DENND6A: variants seen among roughly 807,000 people sequenced by gnomAD.
DENND6A encodes protein DENND6A.
DENND6A carries 43 observed loss-of-function variants against 95.5 expected under a neutral mutation model. The ratio of observed to expected loss-of-function variants is 0.45; its 90% CI spans 0.35 to 0.58. The LOEUF is 0.58. DENND6A is among the 20% of genes least tolerant of loss of function. The pLI is 0.00. For missense variants in DENND6A, 574 were observed against 736.0 expected, an observed-to-expected ratio of 0.78 and a Z score of 2.55; for synonymous variants, 257 against 260.4, an observed-to-expected ratio of 0.99 and a Z score of 0.13.
At chr3:57,631,745 C>T (rs1195447334) in intron 15 of DENND6A, among the ~76,000 whole-genome samples, 41 of 104,172 alleles carry the variant, frequency 3.9e-4, no homozygotes, top group East Asian at 1.6e-3. Context: ...TTTTTTGAGA[C>T]GGAGTCTCAC....
intron 9 of DENND6A, among the ~76,000 whole-genome samples, chr3:57,655,280 G>A (rs186690691): frequency 9.8e-4 from 149 of 152,232 alleles, no homozygotes; most frequent in African/African-American, 3.3e-3. Context: ...TGATCCGCCC[G>A]CCTCGGCCTC....
At chr3:57,668,142 A>G (rs11130596) in intron 3 of DENND6A, among the ~76,000 whole-genome samples, 24,640 of 152,054 alleles carry the variant, frequency 0.16, 2,674 homozygotes, top group East Asian at 0.48. Flanking sequence ...ATTCAATTAA[A>G]TTGTTTTTCA....
At chr3:57,649,922 TAC>T (rs5849223) in intron 9 of DENND6A, among the ~76,000 whole-genome samples, 61,566 of 148,268 alleles carry the variant, frequency 0.42, 13,118 homozygotes, top group South Asian at 0.55. Context: ...TGTATATATA[TAC>T]ACACACACAC....
At chr3:57,670,344 C>T (rs1285741329) in intron 3 of DENND6A, among the ~76,000 whole-genome samples, 8 of 152,062 alleles carry the variant, frequency 5.3e-5, no homozygotes, top group Admixed American at 5.2e-4. Context: ...AGCTTAGATA[C>T]CATTTTAACA....
intron 1 of DENND6A, among the ~76,000 whole-genome samples, chr3:57,673,614 T>C (rs1450857543): frequency 1.3e-5 from 2 of 152,238 alleles, no homozygotes; most frequent in African/African-American, 4.8e-5. Flanking sequence ...TGATAAATGC[T>C]TGAAGTGATG....
At chr3:57,650,291 A>AT (rs2071175424) in intron 9 of DENND6A, among the ~76,000 whole-genome samples, 1 of 152,100 alleles carries the variant, frequency 6.6e-6, no homozygotes, top group Non-Finnish European at 1.5e-5. Flanking sequence ...ACCTTTTGAA[A>AT]TAAACAAAAA....
chr3:57,663,680 G>T lies in DENND6A; in HGVS notation c.469C>A (p.Arg157=). 6.3e-7 allele frequency: 1 copy of T among 1,581,928 alleles called. No individual in the cohort carries two copies. The part of the protein sequence containing the change: ...PAYFYGYVYF[R]QVRDKTLKRG... ...TTTAGAGTTTTATCTCGAACTTGTC[G>T]GAAATACACATATCCATAAAAATAA... is the stretch of plus-strand genomic sequence containing the variant. The change falls in exon 5 of 20, where the codon CGA becomes AGA. Residue 157 remains arginine, a synonymous_variant. Coordinates refer to ENST00000311128, the MANE Select transcript of DENND6A (RefSeq NM_152678.3).
At chr3:57,675,002 A>G (rs1188722975) in intron 1 of DENND6A, among the ~76,000 whole-genome samples, 1 of 152,210 alleles carries the variant, frequency 6.6e-6, no homozygotes, top group Admixed American at 6.6e-5. Flanking sequence ...GAGGGAGAGG[A>G]GCAGAAAAGA....
intron 15 of DENND6A, among the ~76,000 whole-genome samples, chr3:57,631,892 T>C (rs2070687781): frequency 6.6e-6 from 1 of 150,772 alleles, no homozygotes. Flanking sequence ...CCGGCTAATT[T>C]TTTGTATTTT....
Position 57,692,794 on chromosome 3 carries a change from G to A in DENND6A, c.225C>T (p.Gly75=), listed in dbSNP as rs780390845. ...GGCCGGGCCTCACCTCCACGGCCTG[G>A]CCCAGCTCCAGGTCGAAGCCCACCA... ...VCVVGFDLEL[G]QAVEVIYPQH... is the part of the protein sequence containing the mutation. The change falls in exon 1 of 20, where the codon GGC becomes GGT. Residue 75 remains glycine, a synonymous_variant. Transcript: ENST00000311128. 2.5e-5 allele frequency: 39 copies of A among 1,544,542 alleles called. No homozygotes were observed. Among genetic ancestry groups the A allele is most frequent in the Non-Finnish European group, 3.1e-5 (36 of 1,150,488 alleles).
intron 9 of DENND6A, among the ~76,000 whole-genome samples, chr3:57,653,829 G>T (rs2071262764): frequency 6.9e-6 from 1 of 145,650 alleles, no homozygotes; most frequent in Non-Finnish European, 1.5e-5. Context: ...GGAAATCACT[G>T]GGTTTTTTTT....
rs1383492764 is a variant in DENND6A, at chr3:57,627,980, T to C, written c.*234A>G. ...GCACTTTAGAACATGATTAAAAATA[T>C]AGAAATGCCTTTCGGTGTTTCAGTA... On this transcript the variant is annotated 3_prime_UTR_variant, in exon 20 of 20. Transcript: ENST00000311128. The C allele has an allele frequency of 1.1e-5, 5 of 441,278 alleles. No homozygotes were observed. The highest frequency in any genetic ancestry group is 1.5e-5 in the Non-Finnish European group (4 of 258,210). The allele number at this position is 441,278 out of a possible 1,614,324, so 27.3% of individuals were successfully genotyped here.
At chr3:57,670,829 A>G (rs1032664007) in intron 3 of DENND6A, among the ~76,000 whole-genome samples, 1 of 152,232 alleles carries the variant, frequency 6.6e-6, no homozygotes, top group Non-Finnish European at 1.5e-5. Context: ...TTCCATGCAG[A>G]AAGTCAGTTC....
At position 57,661,548 on chromosome 3, in the gene DENND6A, AG is replaced by A; in HGVS notation, c.516del (p.Leu173TrpfsTer3). ...TAAGGTAGTTTGCTGATCAAAACCA[AG>A]GACTGAGGAAAAAACAAAAACAATG... is the stretch of plus-strand genomic sequence containing the variant. The part of the protein sequence containing the change: ...KTLKRGYFQK[S>X]LVLISKLPYI... On this transcript the variant is annotated frameshift_variant and splice_region_variant, in exon 6 of 20. Transcript: ENST00000311128. LOFTEE classifies it high-confidence loss of function. The A allele has an allele frequency of 1.3e-6, 2 of 1,574,338 alleles. No homozygotes were observed. The highest frequency in any genetic ancestry group is 8.5e-7 in the Non-Finnish European group (1 of 1,170,578).
chr3:57,663,475 AAAAAAAAAAAAAAT>A (rs2071466130), intron 5 of DENND6A, among the ~76,000 whole-genome samples, 147 bp downstream of exon 5: 2 of 125,316 alleles, frequency 1.6e-5, no homozygotes, highest in South Asian at 2.5e-4. Context: ...AAAAAAAAAA[AAAAAAAAAAAAAAT>A]ATATATATAC....
At chr3:57,668,064 C>CAA (rs368057591) in intron 3 of DENND6A, among the ~76,000 whole-genome samples, 1 of 146,716 alleles carries the variant, frequency 6.8e-6, no homozygotes, top group African/African-American at 2.5e-5. Flanking sequence ...GACCCTATCT[C>CAA]AAAAAAAAAA....
intron 1 of DENND6A, among the ~76,000 whole-genome samples, chr3:57,676,406 T>C (rs1347776958): frequency 6.7e-6 from 1 of 148,190 alleles, no homozygotes; most frequent in African/African-American, 2.5e-5. Flanking sequence ...AAAGGCCTTC[T>C]CTTGCTGTTA....
intron 15 of DENND6A, 30 bp from the exon 16 acceptor site, chr3:57,631,008 A>T (rs753162834): frequency 1.2e-6 from 2 of 1,601,522 alleles, no homozygotes; most frequent in Non-Finnish European, 1.7e-6. Flanking sequence ...TAATAAAAGG[A>T]GTGTCTTCAA....
chr3:57,661,453 C>G lies in DENND6A; in HGVS notation c.612G>C (p.Leu204Phe), dbSNP rs753496105. The G allele has an allele frequency of 6.4e-7, 1 of 1,562,706 alleles. No individual in the cohort carries two copies. Among genetic ancestry groups the G allele is most frequent in the South Asian group, 1.2e-5 (1 of 81,094 alleles). The stretch of plus-strand genomic sequence containing the variant: ...GGTATATGTTAAACTTACCTGCTTC[C>G]AAATAAGGTTCATTCTTTTCAAAAT... ...PEYFEKNEPY[L>F]EAACNDVDRW... The change falls in exon 6 of 20, where the codon TTG (leucine) becomes TTC (phenylalanine). Residue 204 changes from leucine (L) to phenylalanine (F), a missense_variant. Coordinates refer to ENST00000311128, the MANE Select transcript of DENND6A (RefSeq NM_152678.3).
Sources: gnomAD v4.1 joint callset for allele counts (sites outside exome capture counted in the v4.1 genomes callset) on GRCh38, gnomAD v4.1.1 for gene constraint, MANE v1.5 for transcripts, NCBI Gene and HGNC (gene_info 2026-07-23, HGNC 2026-07-21) for gene names.